The following TMPRSS11B variants were observed in gnomAD, a reference collection of about 807,000 sequenced individuals.
The protein encoded by TMPRSS11B is transmembrane serine protease 11B.
In TMPRSS11B, 53 loss-of-function variants were observed where a neutral mutation model predicts 44.7. That is an observed-to-expected ratio of 1.19 (90% confidence interval 0.95 to 1.49). TMPRSS11B has a LOEUF of 1.49. Ranked by LOEUF, TMPRSS11B falls within the 40% of genes most tolerant of loss-of-function variation. The probability of loss-of-function intolerance (pLI) is 0.00; values close to 1 mark genes in which losing one functional copy is unlikely to be tolerated. For synonymous variants in TMPRSS11B, 140 were observed against 159.2 expected (o/e 0.88, Z 0.91); for missense variants, 526 against 494.8 (o/e 1.06, Z -0.60).
At chr4:68,231,421 A>G (rs1371125484) in intron 6 of TMPRSS11B, 41 bp from the exon 7 acceptor site, 1 of 1,412,768 alleles carries the variant, frequency 7.1e-7, no homozygotes, top group Non-Finnish European at 9.2e-7. Flanking sequence ...GGTATCTTTG[A>G]TTACGCATTA....
At chr4:68,229,545 C>T (rs749701584) in intron 7 of TMPRSS11B, 29 bp from the exon 8 acceptor site, 152 of 1,591,574 alleles carry the variant, frequency 9.6e-5, no homozygotes, top group Non-Finnish European at 1.3e-4. Context: ...TTAGAATACA[C>T]TCAGTTGCTG....
intron 1 of TMPRSS11B, 40 bp from the exon 2 acceptor site, chr4:68,241,844 C>A: frequency 5.2e-6 from 6 of 1,156,342 alleles, no homozygotes; most frequent in Non-Finnish European, 7.8e-6. Context: ...CAGATAATAA[C>A]AATCAAAATC....
chr4:68,239,899 A>G (rs1203768806), intron 2 of TMPRSS11B, among the ~76,000 whole-genome samples: 2 of 152,198 alleles, frequency 1.3e-5, no homozygotes, highest in Admixed American at 6.5e-5. Context: ...GTTTGGAACT[A>G]TTAGATAAAC....
chr4:68,229,188 T>G, intron 8 of TMPRSS11B, 69 bp downstream of exon 8: 2 of 1,257,068 alleles, frequency 1.6e-6, no homozygotes, highest in Non-Finnish European at 2.2e-6. Flanking sequence ...GGATGATTGA[T>G]TGATTGATTG....
At chr4:68,245,200 G>C (rs989718091) in intron 1 of TMPRSS11B, among the ~76,000 whole-genome samples, 2 of 152,004 alleles carry the variant, frequency 1.3e-5, no homozygotes, top group African/African-American at 4.8e-5. Flanking sequence ...TTTAATATTA[G>C]AAAATTTGAT....
In TMPRSS11B at chr4:68,227,118, G is replaced by T. The variant is rs1719372368; in HGVS notation, c.*793C>A. ...CTCTGATACTCCTTCTTCACTGCAA[G>T]ATTGCATGATTTTGTGAGGTACATG... On this transcript the variant is annotated 3_prime_UTR_variant, in exon 10 of 10. Coordinates refer to ENST00000332644, the MANE Select transcript of TMPRSS11B (RefSeq NM_182502.3). The T allele has an allele frequency of 6.6e-6, 1 of 152,132 alleles. No homozygotes were observed. Among genetic ancestry groups the T allele is most frequent in the Non-Finnish European group, 1.5e-5 (1 of 68,034 alleles). The allele number at this position is 152,132 out of a possible 1,614,324, so 9.4% of individuals were successfully genotyped here. A position where few individuals can be genotyped will look rare whatever the true frequency, so the allele number is the denominator to read the frequency against.
chr4:68,229,204 T>C lies in TMPRSS11B; in HGVS notation c.946+53A>G, dbSNP rs1158096008. 6 of 1,310,120 alleles carry C rather than the reference T, an allele frequency of 4.6e-6. No individual in the cohort carries two copies. The East Asian group carries it at 1.6e-4, about 36-fold the overall frequency. 81.2% of individuals were successfully genotyped at this position (1,310,120 alleles called of 1,614,324 possible). A position where few individuals can be genotyped will look rare whatever the true frequency, so the allele number is the denominator to read the frequency against. On this transcript the variant is annotated intron_variant, in intron 8 of 9. Coordinates refer to ENST00000332644, the MANE Select transcript of TMPRSS11B (RefSeq NM_182502.3). ...GATGATTGATTGATTGATTGATTGATTGATTAAATAGTTATTCCCATGCAG... is the reference window on the plus strand; with the variant it reads ...GATGATTGATTGATTGATTGATTGACTGATTAAATAGTTATTCCCATGCAG...
intron 1 of TMPRSS11B, 130 bp from the exon 2 acceptor site, chr4:68,241,934 C>T (rs1719837078): frequency 1.7e-6 from 1 of 603,672 alleles, no homozygotes; most frequent in Non-Finnish European, 3.0e-6. Flanking sequence ...AACATAGAAA[C>T]CTCAAATGCC....
intron 5 of TMPRSS11B, among the ~76,000 whole-genome samples, chr4:68,234,065 G>T (rs948878645): frequency 4.6e-5 from 7 of 151,700 alleles, no homozygotes; most frequent in Non-Finnish European, 7.4e-5. Flanking sequence ...CCAGGCTGAG[G>T]CAGGAGAACT....
chr4:68,228,725 A>G lies in TMPRSS11B; in HGVS notation c.1089+17T>C, dbSNP rs764650223. ...ATTAACTGGGAGAAAACAACTGGATAATGTAACTAGACATACCTGACATGC... is the reference window on the plus strand; with the variant it reads ...ATTAACTGGGAGAAAACAACTGGATGATGTAACTAGACATACCTGACATGC... On this transcript the variant is annotated intron_variant, in intron 9 of 9. Coordinates refer to ENST00000332644, the MANE Select transcript of TMPRSS11B (RefSeq NM_182502.3). 17 of 1,585,086 alleles carry G rather than the reference A, an allele frequency of 1.1e-5. No individual in the cohort carries two copies. The highest frequency in any genetic ancestry group is 1.5e-5 in the Non-Finnish European group (17 of 1,170,874).
chr4:68,231,335 AT>A lies in TMPRSS11B; in HGVS notation c.553del (p.Ile185LeufsTer2). On this transcript the variant is annotated frameshift_variant, in exon 7 of 10. Transcript: ENST00000332644. LOFTEE classifies it high-confidence loss of function. ...VANSIITGNK[I>X]VNGKSSLEGA... ...CTCCAGGGAGCTTTTTCCATTCACA[AT>A]TTTGTTGCCAGTTATGATACTGTTG... 6.2e-7 allele frequency: 1 copy of A among 1,613,822 alleles called. No individual in the cohort carries two copies. The highest frequency in any genetic ancestry group is 8.5e-7 in the Non-Finnish European group (1 of 1,179,844).
chr4:68,234,419 GA>G (rs35624784), intron 5 of TMPRSS11B, 43 bp downstream of exon 5: 2 of 1,564,634 alleles, frequency 1.3e-6, no homozygotes, highest in African/African-American at 2.8e-5. Flanking sequence ...AAATAATCCA[GA>G]AAAAACCTAT....
rs1465937964 is a variant in TMPRSS11B, at chr4:68,241,746, C to T, written c.67G>A (p.Gly23Arg). The change falls in exon 2 of 10, where the codon GGA becomes AGA. Residue 23 changes from glycine (G) to arginine (R), a missense_variant. Transcript: ENST00000332644. ...GTTACTCCCAAGATTGCCGCCACTC[C>T]AAGAAAAATAAAGATCGTAGTCCAT... ...PLWTTIFIFL[G>R]VAAILGVTIG... The T allele has an allele frequency of 1.9e-6, 3 of 1,612,864 alleles. No individual in the cohort carries two copies. The highest frequency in any genetic ancestry group is 2.5e-6 in the Non-Finnish European group (3 of 1,179,448).
Position 68,229,659 on chromosome 4 carries a change from G to A in TMPRSS11B, c.687-143C>T, listed in dbSNP as rs76253860. The A allele has an allele frequency of 1.7e-4, 116 of 691,824 alleles. No homozygotes were observed. In the Middle Eastern group the frequency reaches 2.9e-3, roughly 17 times the overall value. The allele number at this position is 691,824 out of a possible 1,614,324, so 42.9% of individuals were successfully genotyped here. A position where few individuals can be genotyped will look rare whatever the true frequency, so the allele number is the denominator to read the frequency against. On this transcript the variant is annotated intron_variant, in intron 7 of 9. Coordinates refer to ENST00000332644, the MANE Select transcript of TMPRSS11B (RefSeq NM_182502.3). Reference sequence around the variant, plus strand: ...AAATTCTATTTTGAAAACTATCTTTGACATGGAGCTGTTGTAAATGTTGCA... The same window carrying A: ...AAATTCTATTTTGAAAACTATCTTTAACATGGAGCTGTTGTAAATGTTGCA...
rs1166464101 is a variant in TMPRSS11B at position 68,234,613 on chromosome 4, TG to T, written c.318del (p.Asn107MetfsTer9). ...KSEVIKLLPN[A>X]NGSNVQLQLK... The stretch of plus-strand genomic sequence containing the variant: ...AGCTGTAACTGCACATTTGAACCAT[TG>T]GCATTAGGCCTAGAAACAACAGAAA... On this transcript the variant is annotated frameshift_variant, in exon 5 of 10. Transcript: ENST00000332644. LOFTEE classifies it high-confidence loss of function. 1 of 1,613,738 alleles carries T rather than the reference TG, an allele frequency of 6.2e-7. No individual in the cohort carries two copies. The highest frequency in any genetic ancestry group is 8.5e-7 in the Non-Finnish European group (1 of 1,179,916).
chr4:68,229,854 G>T (rs1486713905), intron 7 of TMPRSS11B, among the ~76,000 whole-genome samples: 1 of 151,694 alleles, frequency 6.6e-6, no homozygotes, highest in East Asian at 2.0e-4. Flanking sequence ...ATGGGGTCCA[G>T]GATTAGTCTT....
intron 1 of TMPRSS11B, 27 bp downstream of exon 1, chr4:68,245,524 T>G (rs369638174): frequency 6.2e-7 from 1 of 1,613,124 alleles, no homozygotes; most frequent in Non-Finnish European, 8.5e-7. Flanking sequence ...TTTGCCAACT[T>G]GCTCTCCCCA....
At chr4:68,245,512 AT>A (rs769782171) in intron 1 of TMPRSS11B, 38 bp downstream of exon 1, 2 of 1,610,774 alleles carry the variant, frequency 1.2e-6, no homozygotes, top group African/African-American at 2.7e-5. Flanking sequence ...AACTTGCTAC[AT>A]TTTGCCAACT....
chr4:68,229,408 A>G lies in TMPRSS11B; in HGVS notation c.795T>C (p.Pro265=). ...CAAGGGCAATATCATCATGAAGCCC[A>G]GGACTGCTATAATTTTCATGAAAAA... ...NIIFHENYSS[P]GLHDDIALVQ... Residue 265 remains proline (P), a synonymous_variant, in exon 8 of 10, where the codon CCT becomes CCC. Transcript: ENST00000332644. The G allele has an allele frequency of 6.2e-7, 1 of 1,614,096 alleles. No individual in the cohort carries two copies. Among genetic ancestry groups the G allele is most frequent in the East Asian group, 2.2e-5 (1 of 44,862 alleles).
Sources: gnomAD v4.1 joint callset for allele counts (sites outside exome capture counted in the v4.1 genomes callset) on GRCh38, gnomAD v4.1.1 for gene constraint, MANE v1.5 for transcripts, NCBI Gene and HGNC (gene_info 2026-07-23, HGNC 2026-07-21) for gene names.